The following PABPC4L variants were observed in gnomAD, a reference collection of about 807,000 sequenced individuals.
The protein encoded by PABPC4L is poly(A) binding protein cytoplasmic 4 like.
For synonymous variants in PABPC4L, 169 were observed against 164.1 expected (o/e 1.03, Z -0.23); for missense variants, 452 against 451.4 (o/e 1.00, Z -0.01).
chr4:134,128,932 C>T, the PABPC4L span, among the ~76,000 whole-genome samples: 1 of 151,982 alleles, frequency 6.6e-6, no homozygotes, highest in Non-Finnish European at 1.5e-5. Flanking sequence ...TCAAGTGACT[C>T]ACCTGACACA....
At chr4:133,987,099 T>C in the PABPC4L span, among the ~76,000 whole-genome samples, 2 of 152,192 alleles carry the variant, frequency 1.3e-5, no homozygotes, top group South Asian at 2.1e-4. Context: ...ATGTAACTCA[T>C]CTAACAATTT....
the PABPC4L span, among the ~76,000 whole-genome samples, chr4:133,987,014 C>T: frequency 2.0e-5 from 3 of 152,026 alleles, no homozygotes; most frequent in Non-Finnish European, 2.9e-5. Context: ...GGGATTACAG[C>T]CGTGAACCAC....
At chr4:134,002,222 C>T in the PABPC4L span, among the ~76,000 whole-genome samples, 1 of 151,768 alleles carries the variant, frequency 6.6e-6, no homozygotes, top group African/African-American at 2.4e-5. Context: ...ATGAAAAACT[C>T]ATGCTTCTTT....
chr4:133,994,468 C>T, the PABPC4L span, among the ~76,000 whole-genome samples: 1 of 152,194 alleles, frequency 6.6e-6, no homozygotes, highest in East Asian at 1.9e-4. Flanking sequence ...CTTTTCTTCC[C>T]TCCGAATCCC....
At chr4:134,082,904 T>G in the PABPC4L span, among the ~76,000 whole-genome samples, 3 of 152,190 alleles carry the variant, frequency 2.0e-5, no homozygotes, top group Non-Finnish European at 4.4e-5. Flanking sequence ...AGCTGGAAGC[T>G]GGCTGAGACT....
At chr4:133,993,852 T>C in the PABPC4L span, among the ~76,000 whole-genome samples, 2 of 152,104 alleles carry the variant, frequency 1.3e-5, no homozygotes, top group Non-Finnish European at 2.9e-5. Flanking sequence ...ATAAGATGTG[T>C]AGATCTAGCA....
chr4:133,991,867 T>A, the PABPC4L span, among the ~76,000 whole-genome samples: 1 of 152,180 alleles, frequency 6.6e-6, no homozygotes, highest in Non-Finnish European at 1.5e-5. Flanking sequence ...CTCCTTGCAC[T>A]CAGGTCACAA....
chr4:134,141,560 T>C, the PABPC4L span, among the ~76,000 whole-genome samples: 1 of 150,868 alleles, frequency 6.6e-6, no homozygotes, highest in Non-Finnish European at 1.5e-5. Flanking sequence ...GTAATCTGTA[T>C]GTTTCAGGCA....
At chr4:134,160,419 C>T in the PABPC4L span, among the ~76,000 whole-genome samples, 8 of 152,080 alleles carry the variant, frequency 5.3e-5, no homozygotes, top group Admixed American at 2.6e-4. Context: ...TAAGACACTC[C>T]CCCGTGCTGA....
At chr4:134,088,654 G>A in the PABPC4L span, among the ~76,000 whole-genome samples, 2 of 151,986 alleles carry the variant, frequency 1.3e-5, no homozygotes, top group Non-Finnish European at 2.9e-5. Context: ...TCCTTCATGT[G>A]AGGTCAAAGT....
chr4:133,956,363 A>C, the PABPC4L span, among the ~76,000 whole-genome samples: 1 of 152,184 alleles, frequency 6.6e-6, no homozygotes, highest in Non-Finnish European at 1.5e-5. Flanking sequence ...AACACCATGA[A>C]AAGATAGCAA....
At chr4:134,036,326 A>C in the PABPC4L span, among the ~76,000 whole-genome samples, 1 of 152,136 alleles carries the variant, frequency 6.6e-6, no homozygotes, top group African/African-American at 2.4e-5. Context: ...TTAACTGCAC[A>C]GATAAAGCAT....
At chr4:133,997,085 C>A in the PABPC4L span, among the ~76,000 whole-genome samples, 1 of 152,090 alleles carries the variant, frequency 6.6e-6, no homozygotes, top group Non-Finnish European at 1.5e-5. Flanking sequence ...TAATTTTTCC[C>A]ACCACCCTGA....
At chr4:134,120,851 G>A in the PABPC4L span, among the ~76,000 whole-genome samples, 1 of 151,050 alleles carries the variant, frequency 6.6e-6, no homozygotes, top group Non-Finnish European at 1.5e-5. Flanking sequence ...TTTTGGCATC[G>A]GTAGCAGCTT....
chr4:133,998,133 A>G, the PABPC4L span, among the ~76,000 whole-genome samples: 7 of 151,740 alleles, frequency 4.6e-5, no homozygotes, highest in Admixed American at 1.3e-4. Flanking sequence ...TTTTTATAAT[A>G]TATCTTATTT....
chr4:134,026,250 T>A, the PABPC4L span, among the ~76,000 whole-genome samples: 1 of 152,020 alleles, frequency 6.6e-6, no homozygotes. Context: ...GATTTTTTTT[T>A]TTTTTAGACA....
chr4:134,076,583 C>G, the PABPC4L span, among the ~76,000 whole-genome samples: 1 of 152,034 alleles, frequency 6.6e-6, no homozygotes, highest in Admixed American at 6.6e-5. Flanking sequence ...AAATGAGTAA[C>G]TAGTGGTACC....
the PABPC4L span, among the ~76,000 whole-genome samples, chr4:134,040,231 A>G: frequency 6.6e-6 from 1 of 151,874 alleles, no homozygotes; most frequent in African/African-American, 2.4e-5. Context: ...AACTACTTTA[A>G]AGTTCATATG....
At chr4:133,955,186 T>A in the PABPC4L span, among the ~76,000 whole-genome samples, 1 of 152,212 alleles carries the variant, frequency 6.6e-6, no homozygotes, top group East Asian at 1.9e-4. Flanking sequence ...CTCACCAATT[T>A]GTTTCAGTTT....
Sources: allele counts gnomAD v4.1 joint callset (sites outside exome capture counted in the v4.1 genomes callset), GRCh38; gene constraint gnomAD v4.1.1; transcripts MANE v1.5; gene names NCBI Gene and HGNC (gene_info 2026-07-23, HGNC 2026-07-21).